OAS2: variants seen among roughly 807,000 people sequenced by gnomAD.
OAS2 encodes the protein 2'-5'-oligoadenylate synthase 2.
OAS2 carries 67 observed loss-of-function variants against 71.3 expected under a neutral mutation model. The ratio of observed to expected loss-of-function variants is 0.94; its 90% CI spans 0.77 to 1.15. OAS2 has a LOEUF of 1.15. OAS2 is among the 50% of genes most tolerant of loss of function. OAS2 has a pLI of 0.00. For missense variants in OAS2, 789 were observed against 822.5 expected (o/e 0.96, Z 0.50); for synonymous variants, 327 against 321.8 (o/e 1.02, Z -0.17).
At position 112,995,355 on chromosome 12, in the gene OAS2, A is replaced by G; in HGVS notation, c.508A>G (p.Thr170Ala). Residue 170 changes from threonine (T) to alanine (A), a missense_variant, in exon 3 of 10, where the codon ACA (threonine) becomes GCA (alanine). Transcript: ENST00000392583. ...AGAGCTCAAAAGATCCTTGGATAAG[A>G]CAAATGCCAGTCCTGGTGAGTTTGC... ...YRELKRSLDK[T>A]NASPGEFAVC... 1 of 1,614,148 alleles carries G rather than the reference A, an allele frequency of 6.2e-7. No individual in the cohort carries two copies. Among genetic ancestry groups the G allele is most frequent in the South Asian group, 1.1e-5 (1 of 91,076 alleles).
At chr12:113,008,981 C>A in intron 9 of OAS2, 106 bp from the exon 10 acceptor site, 1 of 1,511,562 alleles carries the variant, frequency 6.6e-7, no homozygotes, top group Non-Finnish European at 8.8e-7. Flanking sequence ...GACATCTAAG[C>A]TGTAAGAACA....
At chr12:113,009,029 C>A in intron 9 of OAS2, 58 bp from the exon 10 acceptor site, 1 of 1,569,740 alleles carries the variant, frequency 6.4e-7, no homozygotes, top group Non-Finnish European at 8.6e-7. Flanking sequence ...GGATGGACCC[C>A]AAATTCTGAA....
In OAS2 at chr12:113,005,037, G is replaced by C. The variant is rs754539372; in HGVS notation, c.1283G>C (p.Arg428Pro). 6.2e-7 allele frequency: 1 copy of C among 1,613,998 alleles called. No homozygotes were observed. The highest frequency in any genetic ancestry group is 1.1e-5 in the South Asian group (1 of 91,076). ...AGCTACACCTCCCAAAAAAACGAGC[G>C]GCACAAAATCGTCAAGGAAATCCAT... ...LKSYTSQKNE[R>P]HKIVKEIHEQ... The change falls in exon 7 of 10, where the codon CGG becomes CCG. Residue 428 changes from arginine to proline, a missense_variant. Physicochemically the swap from Arg to Pro is moderately radical, Grantham distance 103 (BLOSUM62 -2). Transcript: ENST00000392583.
chr12:112,989,504 A>G (rs1282290236), intron 2 of OAS2, among the ~76,000 whole-genome samples: 2 of 152,230 alleles, frequency 1.3e-5, no homozygotes, highest in African/African-American at 4.8e-5. Flanking sequence ...TCATTGGTAG[A>G]TTTAAAGATT....
chr12:113,004,710 A>C (rs1002331568), intron 6 of OAS2, among the ~76,000 whole-genome samples: 1 of 152,226 alleles, frequency 6.6e-6, no homozygotes, highest in African/African-American at 2.4e-5. Context: ...TTCATGTATA[A>C]AAGGCAGGAG....
chr12:113,000,636 TACTC>T lies in OAS2; in HGVS notation c.1008+2229_1008+2232del, dbSNP rs993846589. ...ATGCACTCACACACATGCACACACGTACTCACACCATGCACACACATGCACTCAC... is the reference window on the plus strand; with the variant it reads ...ATGCACTCACACACATGCACACACGTACACCATGCACACACATGCACTCAC... On this transcript the variant is annotated intron_variant, in intron 5 of 9. Coordinates refer to ENST00000392583, the MANE Select transcript of OAS2 (RefSeq NM_002535.3). Among the ~76,000 whole-genome samples the T allele has an allele frequency of 3.4e-5, 5 of 145,204 alleles. No homozygotes were observed. In the South Asian group the frequency reaches 6.6e-4, roughly 19 times the overall value.
At position 113,009,963 on chromosome 12, in the gene OAS2, C is replaced by T. The variant is rs932220797; in HGVS notation, c.*708C>T. 3.0e-5 allele frequency: 30 copies of T among 985,856 alleles called. No homozygotes were observed. The highest frequency in any genetic ancestry group is 3.5e-5 in the Non-Finnish European group (29 of 830,056). 61.1% of individuals were successfully genotyped at this position (985,856 alleles called of 1,614,324 possible). ...CTTTCTTTAAAGCAGGATTTCTCAA[C>T]TTTGATACTTACTCACATTTGGGGC... is the stretch of plus-strand genomic sequence containing the variant. On this transcript the variant is annotated 3_prime_UTR_variant, in exon 10 of 10. Transcript: ENST00000392583.
Position 112,987,155 on chromosome 12 carries a change from G to A in OAS2, c.295G>A (p.Asp99Asn), listed in dbSNP as rs759287047. Reference sequence around the variant, plus strand: ...GAAGAGAAGCCAACGTGACATCCTCGATAAAACTGGGGATAAGCTGAAGTT... The same window carrying A: ...GAAGAGAAGCCAACGTGACATCCTCAATAAAACTGGGGATAAGCTGAAGTT... Reference protein sequence around the residue: ...DQKRSQRDILDKTGDKLKFCL... With the variant: ...DQKRSQRDILNKTGDKLKFCL... The change falls in exon 2 of 10, where the codon GAT (aspartate) becomes AAT (asparagine). Residue 99 changes from aspartate to asparagine, a missense_variant. Asp to Asn is a conservative substitution (Grantham distance 23). Coordinates refer to ENST00000392583, the MANE Select transcript of OAS2 (RefSeq NM_002535.3). The A allele has an allele frequency of 1.1e-5, 18 of 1,614,062 alleles. No individual in the cohort carries two copies. Among genetic ancestry groups the A allele is most frequent in the African/African-American group, 6.7e-5 (5 of 74,924 alleles).
At chr12:112,984,450 T>C (rs898553702) in intron 1 of OAS2, among the ~76,000 whole-genome samples, 1 of 152,232 alleles carries the variant, frequency 6.6e-6, no homozygotes, top group Admixed American at 6.5e-5. Flanking sequence ...ATTCAGTCTA[T>C]ATGTATCTTC....
rs777489049 is a variant in OAS2 at position 112,998,379 on chromosome 12, A to C, written c.977A>C (p.Asn326Thr). ...TGGTTGACTTCTCCCAACCTGGATA[A>C]TGAGTTACCTGCACCATCTTGGAAT... ...QTWLTSPNLD[N>T]ELPAPSWNVL... The change falls in exon 5 of 10, where the codon AAT becomes ACT. Residue 326 changes from asparagine to threonine, a missense_variant. Asn to Thr is a moderately conservative substitution (Grantham distance 65, BLOSUM62 0). Transcript: ENST00000392583. 24 of 1,611,262 alleles carry C rather than the reference A, an allele frequency of 1.5e-5. No individual in the cohort carries two copies. Among genetic ancestry groups the C allele is most frequent in the Non-Finnish European group, 2.0e-5 (24 of 1,179,404 alleles).
intron 7 of OAS2, among the ~76,000 whole-genome samples, chr12:113,005,733 T>A (rs556154568): frequency 7.1e-6 from 1 of 140,648 alleles, no homozygotes; most frequent in African/African-American, 2.8e-5. Context: ...AAATAAATAA[T>A]AAACAAAGTT....
chr12:112,992,149 C>G (rs867033351), intron 2 of OAS2, among the ~76,000 whole-genome samples: 1 of 152,110 alleles, frequency 6.6e-6, no homozygotes, highest in Non-Finnish European at 1.5e-5. Flanking sequence ...AATCCCAGCG[C>G]TTTGGGAGGC....
intron 5 of OAS2, among the ~76,000 whole-genome samples, chr12:113,000,977 A>G (rs1033504245): frequency 1.3e-5 from 2 of 152,190 alleles, no homozygotes; most frequent in Admixed American, 1.3e-4. Context: ...AAAGTACAAT[A>G]TTTGTATAGA....
intron 2 of OAS2, among the ~76,000 whole-genome samples, chr12:112,993,090 CT>C (rs1565992882): frequency 6.6e-6 from 1 of 150,708 alleles, no homozygotes; most frequent in East Asian, 1.9e-4. Flanking sequence ...CACAGGGTCA[CT>C]TTCTGAGAAA....
rs374072119 is a variant in OAS2 at position 113,002,776 on chromosome 12, G to A, written c.1009-156G>A. 2.0e-4 allele frequency among the ~76,000 whole-genome samples: 30 copies of A among 152,284 alleles called. 2 individuals carry two copies. The highest frequency in any genetic ancestry group is 6.2e-4 in the South Asian group (3 of 4,818). On this transcript the variant is annotated intron_variant, in intron 5 of 9. Coordinates refer to ENST00000392583, the MANE Select transcript of OAS2 (RefSeq NM_002535.3). ...AAACTCTCAGGTGTGTTCTTGGGAT[G>A]TATTTGTGCAATGACAAAAGACGGA...
In OAS2 at chr12:112,987,060, C is replaced by CA; in HGVS notation, c.201dup (p.Val68SerfsTer16). 1.2e-6 allele frequency: 2 copies of CA among 1,611,608 alleles called. No homozygotes were observed. On this transcript the variant is annotated frameshift_variant, in exon 2 of 10. Transcript: ENST00000392583. LOFTEE classifies it high-confidence loss of function. ...CAGGGTGGCTCCTATGGACGGAAAA[C>CA]AGTCTTAAGAGGCAACTCCGATGGT...
chr12:112,997,632 G>A lies in OAS2; in HGVS notation c.740G>A (p.Gly247Asp). Reference sequence around the variant, plus strand: ...AAAGACAACTTTGACATTGCTGAAGGCGTCAGAACCGTACTGGAGCTGATC... The same window carrying A: ...AAAGACAACTTTGACATTGCTGAAGACGTCAGAACCGTACTGGAGCTGATC... ...CRKDNFDIAE[G>D]VRTVLELIKC... Residue 247 changes from glycine to aspartate, a missense_variant, in exon 4 of 10, where the codon GGC becomes GAC. Coordinates refer to ENST00000392583, the MANE Select transcript of OAS2 (RefSeq NM_002535.3). 1.2e-6 allele frequency: 2 copies of A among 1,614,154 alleles called. No homozygotes were observed. The highest frequency in any genetic ancestry group is 1.7e-6 in the Non-Finnish European group (2 of 1,179,992).
rs1227019702 is a variant in OAS2 at position 113,009,455 on chromosome 12, G to A, written c.*200G>A. ...AGATTCATGCACTGTAGGGTGCTGC[G>A]CAGCATCCCTAGTCTCTACCCAGTA... On this transcript the variant is annotated 3_prime_UTR_variant, in exon 10 of 10. Coordinates refer to ENST00000392583, the MANE Select transcript of OAS2 (RefSeq NM_002535.3). The A allele has an allele frequency of 1.9e-5, 26 of 1,382,780 alleles. No individual in the cohort carries two copies. Among genetic ancestry groups the A allele is most frequent in the African/African-American group, 1.0e-4 (7 of 68,232 alleles). 85.7% of individuals were successfully genotyped at this position (1,382,780 alleles called of 1,614,324 possible).
intron 3 of OAS2, among the ~76,000 whole-genome samples, chr12:112,997,073 G>C (rs1300811424): frequency 6.6e-6 from 1 of 152,076 alleles, no homozygotes; most frequent in African/African-American, 2.4e-5. Flanking sequence ...TTTCTATAGG[G>C]AACAAAACAT....
Sources: gnomAD v4.1 joint callset for allele counts (sites outside exome capture counted in the v4.1 genomes callset) on GRCh38, gnomAD v4.1.1 for gene constraint, MANE v1.5 for transcripts, NCBI Gene and HGNC (gene_info 2026-07-23, HGNC 2026-07-21) for gene names.